Variants in E2F5 observed in about 807,000 individuals in gnomAD.
E2F5 encodes transcription factor E2F5.
Under a neutral mutation model 39.1 loss-of-function variants are expected in E2F5, and 23 were observed. The ratio of observed to expected loss-of-function variants is 0.59; its 90% CI spans 0.42 to 0.83. E2F5 has a LOEUF of 0.83. E2F5 is among the 40% of genes least tolerant of loss of function. The pLI, the probability that E2F5 is intolerant of heterozygous loss-of-function variation, is 0.00. For missense variants in E2F5, 365 were observed against 406.7 expected (o/e 0.90, Z 0.88); for synonymous variants, 145 against 157.8 (o/e 0.92, Z 0.61).
chr8:85,213,856 T>C lies in E2F5; in HGVS notation c.1035T>C (p.Asn345=), dbSNP rs772507869. ...ATCTGTTTGATGTCCAGATACTAAA[T>C]TATTAGATTCCATGGAAACTTGGGA... ...VCDLFDVQIL[N]Y Residue 345 remains asparagine (N), a synonymous_variant, in exon 8 of 8, where the codon AAT becomes AAC. Coordinates refer to ENST00000416274, the MANE Select transcript of E2F5 (RefSeq NM_001951.4). The C allele has an allele frequency of 6.3e-7, 1 of 1,587,842 alleles. No homozygotes were observed. The highest frequency in any genetic ancestry group is 8.6e-7 in the Non-Finnish European group (1 of 1,156,934).
At chr8:85,183,800 C>T (rs1812271816) in intron 1 of E2F5, among the ~76,000 whole-genome samples, 1 of 152,050 alleles carries the variant, frequency 6.6e-6, no homozygotes, top group Non-Finnish European at 1.5e-5. Flanking sequence ...AATGTGTCCC[C>T]CAAAATTCAT....
intron 2 of E2F5, 125 bp from the exon 3 acceptor site, chr8:85,202,969 T>C (rs954569323): frequency 7.7e-5 from 54 of 697,700 alleles, no homozygotes; most frequent in African/African-American, 3.7e-5. Flanking sequence ...TAGTGCTTGA[T>C]TTTAAGAGTG....
chr8:85,190,553 A>G (rs970942153), intron 1 of E2F5, among the ~76,000 whole-genome samples: 5 of 117,844 alleles, frequency 4.2e-5, no homozygotes, highest in East Asian at 2.5e-4. Flanking sequence ...ACCCAGGTTG[A>G]AGTGCAGTGG....
chr8:85,212,448 C>T, intron 7 of E2F5: 1 of 418,364 alleles, frequency 2.4e-6, no homozygotes, highest in South Asian at 2.9e-5. Flanking sequence ...TGAAAATAAA[C>T]TGTTAGCCCT....
At chr8:85,206,055 C>A in intron 3 of E2F5, 122 bp from the exon 4 acceptor site, 1 of 863,258 alleles carries the variant, frequency 1.2e-6, no homozygotes, top group African/African-American at 1.7e-5. Context: ...TTTTGTCTGT[C>A]CATGTGTGGC....
intron 7 of E2F5, chr8:85,212,832 G>A (rs1261545079): frequency 6.6e-6 from 1 of 151,582 alleles, no homozygotes; most frequent in Non-Finnish European, 1.5e-5. Flanking sequence ...AACTTTGTAA[G>A]TCCAGTTCAT....
intron 1 of E2F5, among the ~76,000 whole-genome samples, chr8:85,194,533 CTTTTT>C (rs753685580): frequency 7.8e-6 from 1 of 128,002 alleles, no homozygotes; most frequent in African/African-American, 3.0e-5. Flanking sequence ...GTTTGTTTCT[CTTTTT>C]TTTTTTTTTT....
At chr8:85,194,299 A>C (rs1812531631) in intron 1 of E2F5, among the ~76,000 whole-genome samples, 1 of 152,122 alleles carries the variant, frequency 6.6e-6, no homozygotes, top group African/African-American at 2.4e-5. Context: ...CTAACATGAA[A>C]GTTAGGGTAA....
At chr8:85,211,864 C>A (rs1812932092) in intron 6 of E2F5, among the ~76,000 whole-genome samples, 2 of 151,652 alleles carry the variant, frequency 1.3e-5, no homozygotes, top group Non-Finnish European at 2.9e-5. Context: ...GGTCTGAACT[C>A]CTGAGCTCAA....
intron 1 of E2F5, among the ~76,000 whole-genome samples, chr8:85,189,936 T>TA (rs1812424222): frequency 6.6e-6 from 1 of 152,146 alleles, no homozygotes; most frequent in Non-Finnish European, 1.5e-5. Context: ...ACCTGAGCCT[T>TA]ACGCTTCAGG....
intron 1 of E2F5, among the ~76,000 whole-genome samples, chr8:85,182,575 G>C (rs1314524217): frequency 2.6e-5 from 4 of 152,206 alleles, no homozygotes; most frequent in African/African-American, 9.6e-5. Flanking sequence ...GAGGTACTGT[G>C]CTCCTGAAAA....
Position 85,209,258 on chromosome 8 carries a change from C to T in E2F5, c.732C>T (p.Pro244=), listed in dbSNP as rs1183112991. 2 of 1,613,914 alleles carry T rather than the reference C, an allele frequency of 1.2e-6. No individual in the cohort carries two copies. The highest frequency in any genetic ancestry group is 8.5e-7 in the Non-Finnish European group (1 of 1,179,866). The change falls in exon 6 of 8, where the codon CCC becomes CCT. Residue 244 remains proline, a synonymous_variant. Coordinates refer to ENST00000416274, the MANE Select transcript of E2F5 (RefSeq NM_001951.4). ...SSSKPVVFPV[P]PPDDLTQPSS... ...CTAAGCCCGTGGTTTTTCCTGTTCC[C>T]CCACCTGATGACCTCACACAGCCTT...
At chr8:85,185,793 T>C (rs556932354) in intron 1 of E2F5, among the ~76,000 whole-genome samples, 1 of 152,314 alleles carries the variant, frequency 6.6e-6, no homozygotes, top group South Asian at 2.1e-4. Context: ...AAAATGCGAA[T>C]CAAAACCACA....
chr8:85,205,935 T>G (rs993806356), intron 3 of E2F5, among the ~76,000 whole-genome samples: 6 of 152,166 alleles, frequency 3.9e-5, no homozygotes, highest in African/African-American at 4.8e-5. Flanking sequence ...GTGCACTGCT[T>G]TCCATCTCTC....
chr8:85,178,624 C>T (rs949162303), intron 1 of E2F5, among the ~76,000 whole-genome samples: 2 of 152,234 alleles, frequency 1.3e-5, no homozygotes, highest in Non-Finnish European at 2.9e-5. Flanking sequence ...CCCTTTGACT[C>T]CCTAAATGTG....
intron 1 of E2F5, among the ~76,000 whole-genome samples, chr8:85,193,185 A>T (rs1028790913): frequency 6.6e-6 from 1 of 152,084 alleles, no homozygotes; most frequent in Non-Finnish European, 1.5e-5. Flanking sequence ...TATACTTTAC[A>T]TATATTAAAA....
Position 85,177,607 on chromosome 8 carries a change from G to A in E2F5, c.187G>A (p.Val63Met). ...CCTGGGGCTGCTCACTACCAAGTTC[G>A]TGTCGCTGCTGCAGGAGGCCAAGGA... The part of the protein sequence containing the change: ...KSLGLLTTKF[V>M]SLLQEAKDGV... Residue 63 changes from valine to methionine, a missense_variant, in exon 1 of 8, where the codon GTG becomes ATG. Physicochemically the swap from Val to Met is conservative, Grantham distance 21 (BLOSUM62 1). Coordinates refer to ENST00000416274, the MANE Select transcript of E2F5 (RefSeq NM_001951.4). 1 of 1,297,724 alleles carries A rather than the reference G, an allele frequency of 7.7e-7. No homozygotes were observed. The allele number at this position is 1,297,724 out of a possible 1,614,324, so 80.4% of individuals were successfully genotyped here. A position where few individuals can be genotyped will look rare whatever the true frequency, so the allele number is the denominator to read the frequency against.
chr8:85,211,965 G>A (rs1265233695), intron 6 of E2F5, among the ~76,000 whole-genome samples, 192 bp from the exon 7 acceptor site: 3 of 151,868 alleles, frequency 2.0e-5, no homozygotes, highest in East Asian at 1.9e-4. Context: ...TTTGGTCTTC[G>A]TCTGGAGTTT....
intron 1 of E2F5, among the ~76,000 whole-genome samples, chr8:85,186,345 G>A (rs1301731164): frequency 1.3e-5 from 2 of 152,006 alleles, no homozygotes; most frequent in Non-Finnish European, 2.9e-5. Context: ...ATCACACAGT[G>A]GGGCCTGTTC....
Sources: gnomAD v4.1 joint callset for allele counts (sites outside exome capture counted in the v4.1 genomes callset) on GRCh38, gnomAD v4.1.1 for gene constraint, MANE v1.5 for transcripts, NCBI Gene and HGNC (gene_info 2026-07-23, HGNC 2026-07-21) for gene names.